Variants in WNT3 observed in about 807,000 individuals in gnomAD.
WNT3 encodes the protein proto-oncogene Wnt-3.
A neutral mutation model predicts 34.2 loss-of-function variants in WNT3; 7 were observed. The ratio of observed to expected loss-of-function variants is 0.20; its 90% CI spans 0.12 to 0.38. The LOEUF is 0.38. WNT3 is among the 10% of genes least tolerant of loss of function. The pLI is 1.00. For synonymous variants in WNT3, 212 were observed against 211.5 expected, an observed-to-expected ratio of 1.00 and a Z score of -0.02; for missense variants, 267 against 499.8, an observed-to-expected ratio of 0.53 and a Z score of 4.44.
chr17:46,787,770 A>G (rs1184667670), intron 1 of WNT3, among the ~76,000 whole-genome samples: 3 of 152,212 alleles, frequency 2.0e-5, no homozygotes, highest in African/African-American at 7.2e-5. Flanking sequence ...CCTGGCCAAC[A>G]TGGCGAAACG....
At chr17:46,800,911 G>C (rs555029724) in intron 1 of WNT3, among the ~76,000 whole-genome samples, 1 of 152,320 alleles carries the variant, frequency 6.6e-6, no homozygotes, top group Admixed American at 6.5e-5. Context: ...CTGAACAGGA[G>C]TTTGTAGTCA....
chr17:46,784,372 A>G (rs183495803), intron 1 of WNT3, among the ~76,000 whole-genome samples: 2 of 152,306 alleles, frequency 1.3e-5, no homozygotes, highest in Non-Finnish European at 2.9e-5. Context: ...TGGGCCCAAG[A>G]GAGGGACGGA....
intron 1 of WNT3, among the ~76,000 whole-genome samples, chr17:46,779,053 TCACACACACACACACACACACA>T (rs56965619): frequency 2.0e-5 from 2 of 100,666 alleles, no homozygotes; most frequent in Middle Eastern, 6.9e-3. Flanking sequence ...CCCTACCCCA[TCACACACACACACACACACACA>T]CACACACACA....
rs1278236885 is a variant in WNT3 at position 46,781,444 on chromosome 17, A to G, written c.81-7535T>C. Among the ~76,000 whole-genome samples the G allele has an allele frequency of 3.3e-5, 5 of 152,106 alleles. No homozygotes were observed. The East Asian group carries it at 9.6e-4, about 29-fold the overall frequency. ...AAAAAAAGGAATGAAATTCTGATGC[A>G]AGCTACAACATAGAAGAAACTTGAA... is the stretch of plus-strand genomic sequence containing the variant. On this transcript the variant is annotated intron_variant, in intron 1 of 4. Coordinates refer to ENST00000225512, the MANE Select transcript of WNT3 (RefSeq NM_030753.5).
At chr17:46,802,816 G>A (rs567447187) in intron 1 of WNT3, among the ~76,000 whole-genome samples, 94 of 152,224 alleles carry the variant, frequency 6.2e-4, no homozygotes, top group African/African-American at 1.7e-4. Context: ...CCCATACCTC[G>A]CCCTATGCAC....
chr17:46,801,872 C>A (rs191617761), intron 1 of WNT3, among the ~76,000 whole-genome samples: 1 of 152,122 alleles, frequency 6.6e-6, no homozygotes. Context: ...TGTGCCAGTT[C>A]GACCCTAGTG....
chr17:46,790,580 C>T (rs2146421914), intron 1 of WNT3, among the ~76,000 whole-genome samples: 1 of 152,262 alleles, frequency 6.6e-6, no homozygotes, highest in Middle Eastern at 3.4e-3. Flanking sequence ...GCCCCACCTC[C>T]TATTCCCAGT....
At chr17:46,807,719 A>G (rs2084215731) in intron 1 of WNT3, among the ~76,000 whole-genome samples, 1 of 152,186 alleles carries the variant, frequency 6.6e-6, no homozygotes, top group Non-Finnish European at 1.5e-5. Flanking sequence ...AGACTCCAAC[A>G]TGTCTGCCCT....
intron 1 of WNT3, among the ~76,000 whole-genome samples, chr17:46,786,257 G>A (rs2146412407): frequency 6.6e-6 from 1 of 152,236 alleles, no homozygotes; most frequent in African/African-American, 2.4e-5. Flanking sequence ...GTCAAGGGTG[G>A]AAGAAGGAGG....
intron 1 of WNT3, among the ~76,000 whole-genome samples, chr17:46,776,222 G>A (rs1267160521): frequency 6.6e-6 from 1 of 152,164 alleles, no homozygotes; most frequent in African/African-American, 2.4e-5. Context: ...GGGTGAAGGT[G>A]GCTTCAGGCC....
intron 1 of WNT3, among the ~76,000 whole-genome samples, chr17:46,817,257 G>A (rs1407086656): frequency 6.6e-6 from 1 of 152,192 alleles, no homozygotes; most frequent in African/African-American, 2.4e-5. Flanking sequence ...CGAAAGGCAG[G>A]GAGTCTGGGG....
At chr17:46,805,949 G>A (rs149197672) in intron 1 of WNT3, among the ~76,000 whole-genome samples, 3 of 152,174 alleles carry the variant, frequency 2.0e-5, no homozygotes, top group Admixed American at 6.5e-5. Context: ...TGGAGCCTTC[G>A]GCAATGGAAT....
At position 46,771,814 on chromosome 17, in the gene WNT3, G is replaced by A. The variant is rs868080903; in HGVS notation, c.323-1766C>T. Among the ~76,000 whole-genome samples, 6 of 143,978 alleles carry A rather than the reference G, an allele frequency of 4.2e-5. No homozygotes were observed. In the East Asian group the frequency reaches 1.0e-3, roughly 24 times the overall value. The allele number at this position is 143,978 out of a possible 152,430, so 94.5% of individuals were successfully genotyped here. ...AATGGCCAGAGGGCGTGTGAATGGC[G>A]CGGCGGCCGCGCGGTGGGGGGGCGG... On this transcript the variant is annotated intron_variant, in intron 2 of 4. Coordinates refer to ENST00000225512, the MANE Select transcript of WNT3 (RefSeq NM_030753.5).
At chr17:46,800,847 G>A (rs974504522) in intron 1 of WNT3, among the ~76,000 whole-genome samples, 1 of 152,174 alleles carries the variant, frequency 6.6e-6, no homozygotes, top group Non-Finnish European at 1.5e-5. Context: ...CTGGGGCCGC[G>A]GTGCTGAGGG....
At chr17:46,765,956 G>A (rs1472486033) in intron 4 of WNT3, among the ~76,000 whole-genome samples, 1 of 152,244 alleles carries the variant, frequency 6.6e-6, no homozygotes, top group East Asian at 1.9e-4. Flanking sequence ...ACTGGTCACA[G>A]AGTGAGGCCT....
At chr17:46,775,849 G>A (rs999315291) in intron 1 of WNT3, among the ~76,000 whole-genome samples, 2 of 151,754 alleles carry the variant, frequency 1.3e-5, no homozygotes, top group Admixed American at 6.6e-5. Flanking sequence ...TCCTGACCTC[G>A]TGATCCACAC....
intron 1 of WNT3, among the ~76,000 whole-genome samples, chr17:46,789,087 G>A (rs1284332348): frequency 6.6e-6 from 1 of 152,194 alleles, no homozygotes; most frequent in African/African-American, 2.4e-5. Context: ...GCTGGGCCAG[G>A]CCTTATGCTG....
Position 46,773,737 on chromosome 17 carries a change from G to A in WNT3, c.253C>T (p.Arg85Trp), listed in dbSNP as rs776819489. 1.9e-5 allele frequency: 30 copies of A among 1,601,696 alleles called. No homozygotes were observed. Among genetic ancestry groups the A allele is most frequent in the Non-Finnish European group, 7.7e-6 (9 of 1,173,126 alleles). The change falls in exon 2 of 5, where the codon CGG (arginine) becomes TGG (tryptophan). Residue 85 changes from arginine (R) to tryptophan (W), a missense_variant. Transcript: ENST00000225512. ...LGIQECQHQF[R>W]GRRWNCTTID... The stretch of plus-strand genomic sequence containing the variant: ...GTGGTGCAGTTCCAGCGGCGGCCCC[G>A]GAACTGGTGCTGGCACTCCTGGATG...
chr17:46,801,786 T>C (rs898947969), intron 1 of WNT3, among the ~76,000 whole-genome samples: 3 of 152,134 alleles, frequency 2.0e-5, no homozygotes, highest in African/African-American at 4.8e-5. Context: ...GGGAGGGCAG[T>C]GCCACTGTGG....
Sources: gnomAD v4.1 joint callset for allele counts (sites outside exome capture counted in the v4.1 genomes callset) on GRCh38, gnomAD v4.1.1 for gene constraint, MANE v1.5 for transcripts, NCBI Gene and HGNC (gene_info 2026-07-23, HGNC 2026-07-21) for gene names.